Variants in RBFOX3 observed in about 807,000 individuals in gnomAD.
RBFOX3 encodes RNA binding protein fox-1 homolog 3.
RBFOX3 carries 17 observed loss-of-function variants against 48.7 expected under a neutral mutation model. The observed-to-expected ratio is 0.35, with a 90% CI of 0.24 to 0.52. The LOEUF is 0.52. RBFOX3 is among the 20% of genes least tolerant of loss of function. RBFOX3 has a pLI of 0.94. For synonymous variants in RBFOX3, 212 were observed against 209.5 expected, an observed-to-expected ratio of 1.01 and a Z score of -0.10; for missense variants, 382 against 497.5, an observed-to-expected ratio of 0.77 and a Z score of 2.21.
rs79019901 is a variant in RBFOX3, at chr17:79,108,520, G to T, written c.223-1732C>A. ...TGAGTGGGGAGCCTGGGGTCACAGGGCTGGAGGCCTCGGCCCACGGCAAAG... is the reference window on the plus strand; with the variant it reads ...TGAGTGGGGAGCCTGGGGTCACAGGTCTGGAGGCCTCGGCCCACGGCAAAG... On this transcript the variant is annotated intron_variant, in intron 5 of 14. Coordinates refer to ENST00000693108, the MANE Select transcript of RBFOX3 (RefSeq NM_001350451.2). Among the ~76,000 whole-genome samples the T allele has an allele frequency of 1.9e-4, 29 of 152,354 alleles. 1 individual carries two copies. Among genetic ancestry groups the T allele is most frequent in the African/African-American group, 6.0e-4 (25 of 41,586 alleles).
In RBFOX3 at chr17:79,195,145, C is replaced by T. The variant is rs956728175; in HGVS notation, c.-34+40621G>A. On this transcript the variant is annotated intron_variant, in intron 4 of 14. Coordinates refer to ENST00000693108, the MANE Select transcript of RBFOX3 (RefSeq NM_001350451.2). The surrounding 1 kb of genome is among the most constrained non-coding windows in gnomAD (Gnocchi z 5.3). ...GTGCCGTGGCTGATGCCTGTAATCC[C>T]GGCACTTTGGGAGGCTGAGGCAGGT... 4.6e-5 allele frequency among the ~76,000 whole-genome samples: 7 copies of T among 152,108 alleles called. No homozygotes were observed. Among genetic ancestry groups the T allele is most frequent in the African/African-American group, 1.2e-4 (5 of 41,424 alleles).
At chr17:79,607,044 A>G (rs2093847758) in intron 1 of RBFOX3, among the ~76,000 whole-genome samples, 1 of 152,146 alleles carries the variant, frequency 6.6e-6, no homozygotes, top group Non-Finnish European at 1.5e-5. Context: ...AGCCTGTGAA[A>G]ATACCGCGCT....
At chr17:79,587,523 G>A (rs965776802) in intron 1 of RBFOX3, among the ~76,000 whole-genome samples, 91 of 152,304 alleles carry the variant, frequency 6.0e-4, no homozygotes, top group East Asian at 2.3e-3. Context: ...GGGAGAAGGC[G>A]GCTGGTGAGA....
intron 2 of RBFOX3, among the ~76,000 whole-genome samples, chr17:79,318,433 C>T (rs1286845486): frequency 1.3e-5 from 2 of 152,170 alleles, no homozygotes; most frequent in Non-Finnish European, 2.9e-5. Context: ...CCCCTTACAC[C>T]ATATGGCTCC....
At chr17:79,325,248 C>T (rs1386207365) in intron 2 of RBFOX3, among the ~76,000 whole-genome samples, 1 of 152,200 alleles carries the variant, frequency 6.6e-6, no homozygotes, top group East Asian at 1.9e-4. Flanking sequence ...GTGGGCTCAT[C>T]CCTGGAGATT....
intron 2 of RBFOX3, among the ~76,000 whole-genome samples, chr17:79,456,269 C>G: frequency 6.6e-6 from 1 of 152,152 alleles, no homozygotes; most frequent in East Asian, 1.9e-4. Context: ...ACCCTCGTCC[C>G]GCCAACTCTG....
At chr17:79,255,788 C>T (rs2064735351) in intron 3 of RBFOX3, among the ~76,000 whole-genome samples, 1 of 151,808 alleles carries the variant, frequency 6.6e-6, no homozygotes. Flanking sequence ...CTGCAATTCC[C>T]CTTCCTAGAG....
chr17:79,642,129 G>A, the RBFOX3 span, among the ~76,000 whole-genome samples: 80 of 151,958 alleles, frequency 5.3e-4, 1 homozygote, highest in East Asian at 3.8e-4. Context: ...GACAAATACC[G>A]CATTATCTCA....
intron 3 of RBFOX3, among the ~76,000 whole-genome samples, chr17:79,250,517 C>T (rs1046857788): frequency 7.9e-5 from 12 of 151,936 alleles, no homozygotes; most frequent in African/African-American, 2.4e-4. Context: ...GCCGATCACT[C>T]GGCGTGGGCA....
intron 4 of RBFOX3, among the ~76,000 whole-genome samples, chr17:79,148,564 T>C (rs1308482133): frequency 6.6e-6 from 1 of 152,252 alleles, no homozygotes; most frequent in Non-Finnish European, 1.5e-5. Flanking sequence ...CGAAGGCCAC[T>C]GAACTTCTCT....
chr17:79,115,469 G>T, intron 5 of RBFOX3, 25 bp downstream of exon 5: 1 of 1,295,894 alleles, frequency 7.7e-7, no homozygotes, highest in Non-Finnish European at 9.8e-7. Flanking sequence ...TCCAGGGCTG[G>T]GCCTGGGGTC....
At chr17:79,183,183 G>T (rs1242267241) in intron 4 of RBFOX3, 2 of 148,150 alleles carry the variant, frequency 1.3e-5, no homozygotes, top group South Asian at 3.5e-4. Flanking sequence ...GCGCAGAGGC[G>T]GCCAAGTGCG....
Position 79,480,009 on chromosome 17 carries a change from G to T in RBFOX3, c.-175+2445C>A, listed in dbSNP as rs955098363. The stretch of plus-strand genomic sequence containing the variant: ...CTATACTCATTTTCTCAGACAGCCT[G>T]CAAGCACAGTGATCTTGGCACAGAG... On this transcript the variant is annotated intron_variant, in intron 2 of 14. Coordinates refer to ENST00000693108, the MANE Select transcript of RBFOX3 (RefSeq NM_001350451.2). The surrounding 1 kb of genome is among the most constrained non-coding windows in gnomAD (Gnocchi z 4.8). Among the ~76,000 whole-genome samples, 1 of 152,178 alleles carries T rather than the reference G, an allele frequency of 6.6e-6. No individual in the cohort carries two copies. The highest frequency in any genetic ancestry group is 1.9e-4 in the East Asian group (1 of 5,182).
rs1281033884 is a variant in RBFOX3, at chr17:79,173,972, C to T, written c.-33-58224G>A. 2.6e-5 allele frequency among the ~76,000 whole-genome samples: 4 copies of T among 152,028 alleles called. No individual in the cohort carries two copies. In the South Asian group the frequency reaches 8.3e-4, roughly 32 times the overall value. ...TTAGTCACCCTTGACTCCAGGGTCA[C>T]TGGATCTTCTGTTTCCTTTTGCTTC... is the stretch of plus-strand genomic sequence containing the variant. On this transcript the variant is annotated intron_variant, in intron 4 of 14. Transcript: ENST00000693108.
At chr17:79,650,589 C>T in the RBFOX3 span, among the ~76,000 whole-genome samples, 1 of 152,102 alleles carries the variant, frequency 6.6e-6, no homozygotes, top group Non-Finnish European at 1.5e-5. Context: ...GAGCAGGGGA[C>T]AAGCACAGTA....
chr17:79,395,583 G>A (rs1273779960), intron 2 of RBFOX3, among the ~76,000 whole-genome samples: 1 of 152,236 alleles, frequency 6.6e-6, no homozygotes. Flanking sequence ...CACACTGGAT[G>A]GTGACAGCTG....
chr17:79,230,290 T>C (rs1018128308), intron 4 of RBFOX3, among the ~76,000 whole-genome samples: 9 of 152,156 alleles, frequency 5.9e-5, no homozygotes, highest in Admixed American at 3.9e-4. Context: ...GATGGAGTCT[T>C]GCTTTGTCAC....
In RBFOX3 at chr17:79,480,839, T is replaced by TA. The variant is rs2078674201; in HGVS notation, c.-175+1614dup. Among the ~76,000 whole-genome samples the TA allele has an allele frequency of 6.6e-6, 1 of 152,236 alleles. No homozygotes were observed. Among genetic ancestry groups the TA allele is most frequent in the South Asian group, 2.1e-4 (1 of 4,824 alleles). On this transcript the variant is annotated intron_variant, in intron 2 of 14. Coordinates refer to ENST00000693108, the MANE Select transcript of RBFOX3 (RefSeq NM_001350451.2). This position sits in a 1 kb window ranked among gnomAD's most constrained non-coding sequence, Gnocchi z 4.8. ...TGCACTGCATTTATCTTCACAGCGT[T>TA]ATGGCGCCTGACATACATTTATTCG...
chr17:79,406,882 C>T (rs1232786380), intron 2 of RBFOX3, among the ~76,000 whole-genome samples: 1 of 152,196 alleles, frequency 6.6e-6, no homozygotes, highest in Non-Finnish European at 1.5e-5. Flanking sequence ...GAAGCTGGCT[C>T]CAGACTCCTC....
Sources: gnomAD v4.1 joint callset for allele counts (sites outside exome capture counted in the v4.1 genomes callset) on GRCh38, gnomAD v4.1.1 for gene constraint, Gnocchi (gnomAD v3.1) non-coding constraint, MANE v1.5 for transcripts, NCBI Gene and HGNC (gene_info 2026-07-23, HGNC 2026-07-21) for gene names.